The following SH3RF1 variants were observed in gnomAD, a reference collection of about 807,000 sequenced individuals.
The protein encoded by SH3RF1 is E3 ubiquitin-protein ligase SH3RF1.
A neutral mutation model predicts 74.0 loss-of-function variants in SH3RF1; 32 were observed. That is an observed-to-expected ratio of 0.43 (90% CI 0.33 to 0.58). The LOEUF (loss-of-function observed/expected upper bound fraction) is 0.58, where lower values mean the gene tolerates loss of function less well. SH3RF1 is among the 20% of genes least tolerant of loss of function. The pLI is 0.05. For synonymous variants in SH3RF1, 396 were observed against 439.6 expected (o/e 0.90, Z 1.24); for missense variants, 954 against 1,130.9 (o/e 0.84, Z 2.24).
chr4:169,182,572 T>C (rs1271758611), intron 2 of SH3RF1, among the ~76,000 whole-genome samples: 1 of 152,232 alleles, frequency 6.6e-6, no homozygotes, highest in Non-Finnish European at 1.5e-5. Context: ...TATTAGTCTC[T>C]ATCACAGACT....
At chr4:169,154,618 A>G (rs1465185358) in intron 4 of SH3RF1, among the ~76,000 whole-genome samples, 1 of 152,176 alleles carries the variant, frequency 6.6e-6, no homozygotes, top group East Asian at 1.9e-4. Context: ...CATAAAATAT[A>G]CCTTTTCCAT....
chr4:169,211,876 G>C (rs1561054287), intron 2 of SH3RF1, among the ~76,000 whole-genome samples: 1 of 152,120 alleles, frequency 6.6e-6, no homozygotes, highest in Non-Finnish European at 1.5e-5. Context: ...CTCTTGGAGA[G>C]GGGGCTTTTC....
At chr4:169,110,086 C>A (rs944350659) in intron 10 of SH3RF1, among the ~76,000 whole-genome samples, 6 of 142,130 alleles carry the variant, frequency 4.2e-5, no homozygotes, top group East Asian at 2.2e-4. Flanking sequence ...AGAAAATGAA[C>A]GTTAGAGGCC....
chr4:169,253,542 C>CCGCG (rs1345836404), intron 2 of SH3RF1, among the ~76,000 whole-genome samples: 3 of 152,150 alleles, frequency 2.0e-5, no homozygotes, highest in African/African-American at 7.2e-5. Context: ...TTCCCTCTTT[C>CCGCG]CGCTCCATTC....
At chr4:169,164,682 C>T (rs763963389) in intron 2 of SH3RF1, among the ~76,000 whole-genome samples, 43 of 152,196 alleles carry the variant, frequency 2.8e-4, no homozygotes, top group Non-Finnish European at 5.0e-4. Context: ...GTGTTCTAGA[C>T]ACTGGAACTA....
At chr4:169,236,127 T>C (rs962700622) in intron 2 of SH3RF1, among the ~76,000 whole-genome samples, 8 of 152,234 alleles carry the variant, frequency 5.3e-5, no homozygotes, top group African/African-American at 1.9e-4. Flanking sequence ...CAGATCCCAG[T>C]CCTGGCTCTA....
Position 169,094,993 on chromosome 4 carries a change from T to C in SH3RF1, c.*1526A>G, listed in dbSNP as rs1304697388. On this transcript the variant is annotated 3_prime_UTR_variant, in exon 12 of 12. Coordinates refer to ENST00000284637, the MANE Select transcript of SH3RF1 (RefSeq NM_020870.4). ...GTAAGGATCTTATTCATTACCAGGCTGTCTTCCCTCCTTTTGTTTTCCGGA... is the reference window on the plus strand; with the variant it reads ...GTAAGGATCTTATTCATTACCAGGCCGTCTTCCCTCCTTTTGTTTTCCGGA... 1 of 152,628 alleles carries C rather than the reference T, an allele frequency of 6.6e-6. No individual in the cohort carries two copies. The highest frequency in any genetic ancestry group is 1.5e-5 in the Non-Finnish European group (1 of 68,040). 9.5% of individuals were successfully genotyped at this position (152,628 alleles called of 1,614,324 possible).
chr4:169,141,989 T>A (rs1163344555), intron 4 of SH3RF1, among the ~76,000 whole-genome samples: 1 of 152,146 alleles, frequency 6.6e-6, no homozygotes, highest in Admixed American at 6.5e-5. Flanking sequence ...ATTTTGTTTT[T>A]GTATTTTTTT....
chr4:169,213,337 C>G (rs1204168589), intron 2 of SH3RF1, among the ~76,000 whole-genome samples: 2 of 152,200 alleles, frequency 1.3e-5, no homozygotes, highest in African/African-American at 4.8e-5. Context: ...AGTGTCTGTT[C>G]AGGTCTTTTG....
chr4:169,117,865 CAG>C, intron 8 of SH3RF1, 83 bp from the exon 9 acceptor site: 1 of 1,483,028 alleles, frequency 6.7e-7, no homozygotes, highest in Non-Finnish European at 9.1e-7. Context: ...AAAAATGACT[CAG>C]AGCTTTAAAC....
intron 2 of SH3RF1, among the ~76,000 whole-genome samples, chr4:169,184,268 C>A (rs950169173): frequency 6.6e-6 from 1 of 152,180 alleles, no homozygotes; most frequent in Admixed American, 6.5e-5. Flanking sequence ...GGCCAATGTG[C>A]TTTTTCACCT....
chr4:169,199,592 G>C (rs1327595032), intron 2 of SH3RF1, among the ~76,000 whole-genome samples: 1 of 151,770 alleles, frequency 6.6e-6, no homozygotes, highest in African/African-American at 2.4e-5. Flanking sequence ...AAATGGTCCT[G>C]GAAAATGTGG....
intron 6 of SH3RF1, among the ~76,000 whole-genome samples, chr4:169,125,976 A>G (rs1288878854): frequency 6.6e-6 from 1 of 152,236 alleles, no homozygotes; most frequent in Non-Finnish European, 1.5e-5. Context: ...AGATATGTAT[A>G]TCAGTTAAGT....
At chr4:169,231,347 C>T (rs1730734934) in intron 2 of SH3RF1, among the ~76,000 whole-genome samples, 1 of 152,144 alleles carries the variant, frequency 6.6e-6, no homozygotes, top group Non-Finnish European at 1.5e-5. Flanking sequence ...GCAGGCAGAT[C>T]ACGAGGTCAG....
At chr4:169,255,610 T>TACAC (rs1579165721) in intron 2 of SH3RF1, among the ~76,000 whole-genome samples, 2 of 61,226 alleles carry the variant, frequency 3.3e-5, no homozygotes, top group East Asian at 1.1e-3. Flanking sequence ...CATACACACA[T>TACAC]ACATACACAC....
chr4:169,258,037 T>C (rs1434472590), intron 2 of SH3RF1, among the ~76,000 whole-genome samples: 5 of 152,218 alleles, frequency 3.3e-5, no homozygotes, highest in Non-Finnish European at 7.3e-5. Flanking sequence ...TTGTCCTAAA[T>C]GTTTGATATC....
chr4:169,255,670 A>T (rs1366370566), intron 2 of SH3RF1, among the ~76,000 whole-genome samples: 4 of 98,154 alleles, frequency 4.1e-5, no homozygotes, highest in Non-Finnish European at 7.7e-5. Context: ...CACAGAGTCC[A>T]GATAGATCAA....
intron 2 of SH3RF1, among the ~76,000 whole-genome samples, chr4:169,184,165 C>T (rs954162117): frequency 3.3e-5 from 5 of 152,170 alleles, no homozygotes; most frequent in African/African-American, 9.7e-5. Flanking sequence ...TACTGTGAAC[C>T]GACATCCCCT....
At chr4:169,230,632 G>A (rs374197850) in intron 2 of SH3RF1, among the ~76,000 whole-genome samples, 2 of 152,224 alleles carry the variant, frequency 1.3e-5, no homozygotes, top group East Asian at 3.9e-4. Flanking sequence ...GCCAAGATGG[G>A]CAGATCACCT....
Sources: allele counts gnomAD v4.1 joint callset (sites outside exome capture counted in the v4.1 genomes callset), GRCh38; gene constraint gnomAD v4.1.1; transcripts MANE v1.5; gene names NCBI Gene and HGNC (gene_info 2026-07-23, HGNC 2026-07-21).